INPP5A: variants seen among roughly 807,000 people sequenced by gnomAD.
The protein encoded by INPP5A is 43 kDa inositol polyphosphate 5-phophatase.
A neutral mutation model predicts 65.2 loss-of-function variants in INPP5A; 14 were observed. The observed-to-expected ratio is 0.21, with a 90% CI of 0.14 to 0.34. The LOEUF is 0.34. INPP5A is among the 10% of genes least tolerant of loss of function. The probability of loss-of-function intolerance (pLI) is 1.00; values close to 1 mark genes in which losing one functional copy is unlikely to be tolerated. For synonymous variants in INPP5A, 207 were observed against 208.3 expected (o/e 0.99, Z 0.05); for missense variants, 431 against 545.6 (o/e 0.79, Z 2.09).
intron 5 of INPP5A, among the ~76,000 whole-genome samples, chr10:132,691,830 TGGTCGCGGGAGACGTGC>T (rs1564967258): frequency 4.8e-5 from 7 of 145,148 alleles, no homozygotes; most frequent in African/African-American, 1.5e-4. Flanking sequence ...GGGAGACGTG[TGGTCGCGGGAGACGTGC>T]GGTCGCGGGA....
rs766101587 is a variant in INPP5A at position 132,753,158 on chromosome 10, G to A, written c.903+3313G>A. ...ACGCCCCATGGGTTCCTGCTGACCC[G>A]GGTGCCCTCGCACTTGCCCGAGGTG... On this transcript the variant is annotated intron_variant, in intron 11 of 15. Coordinates refer to ENST00000368594, the MANE Select transcript of INPP5A (RefSeq NM_005539.5). The surrounding 1 kb of genome is among the most constrained non-coding windows in gnomAD (Gnocchi z 5.3). Among the ~76,000 whole-genome samples the A allele has an allele frequency of 4.6e-5, 7 of 152,152 alleles. No homozygotes were observed. The highest frequency in any genetic ancestry group is 5.9e-5 in the Non-Finnish European group (4 of 68,026).
At chr10:132,600,055 C>CTTGGGG (rs2071756421) in intron 1 of INPP5A, among the ~76,000 whole-genome samples, 1 of 152,232 alleles carries the variant, frequency 6.6e-6, no homozygotes, top group South Asian at 2.1e-4. Context: ...GGCCTGGAGA[C>CTTGGGG]ATTTTCCACA....
intron 2 of INPP5A, among the ~76,000 whole-genome samples, chr10:132,622,907 G>A (rs949810422): frequency 1.3e-5 from 2 of 148,444 alleles, no homozygotes; most frequent in African/African-American, 2.6e-5. Context: ...TTCGTGGATT[G>A]GAAGACTCAG....
At chr10:132,654,538 C>T (rs921304543) in intron 4 of INPP5A, among the ~76,000 whole-genome samples, 17 of 152,204 alleles carry the variant, frequency 1.1e-4, no homozygotes, top group African/African-American at 3.6e-4. Context: ...CGGGGCCTGA[C>T]TTCCCCGGGG....
At chr10:132,631,344 G>A (rs576503128) in intron 2 of INPP5A, among the ~76,000 whole-genome samples, 3 of 152,258 alleles carry the variant, frequency 2.0e-5, no homozygotes, top group South Asian at 2.1e-4. Context: ...CCCAGCACCC[G>A]TTGCAGCCCA....
intron 8 of INPP5A, among the ~76,000 whole-genome samples, chr10:132,722,585 G>A (rs976907475): frequency 2.0e-5 from 3 of 152,146 alleles, no homozygotes; most frequent in African/African-American, 4.8e-5. Flanking sequence ...AATTCGGAAC[G>A]TTCAACCCGT....
intron 2 of INPP5A, among the ~76,000 whole-genome samples, chr10:132,610,698 G>A (rs1165956846): frequency 1.3e-5 from 2 of 152,238 alleles, no homozygotes; most frequent in Non-Finnish European, 2.9e-5. Flanking sequence ...TCCCACTGAT[G>A]CTCAGGCACC....
chr10:132,653,514 G>C (rs1297757109), intron 4 of INPP5A, among the ~76,000 whole-genome samples: 1 of 152,114 alleles, frequency 6.6e-6, no homozygotes, highest in Non-Finnish European at 1.5e-5. Flanking sequence ...GTTCCTCCCT[G>C]GCCCTGGGTG....
chr10:132,781,062 T>TG, intron 14 of INPP5A, 145 bp downstream of exon 14: 1 of 662,838 alleles, frequency 1.5e-6, no homozygotes, highest in South Asian at 1.7e-5. Flanking sequence ...CCTGTTCTCC[T>TG]GTCTTCTTAG....
chr10:132,748,258 A>G (rs1278713750), intron 9 of INPP5A, among the ~76,000 whole-genome samples: 1 of 151,928 alleles, frequency 6.6e-6, no homozygotes, highest in Non-Finnish European at 1.5e-5. Context: ...GTGTAAATGG[A>G]ATCTACAGTC....
chr10:132,653,419 G>A (rs944606716), intron 4 of INPP5A, among the ~76,000 whole-genome samples: 2 of 152,132 alleles, frequency 1.3e-5, no homozygotes, highest in African/African-American at 4.8e-5. Context: ...CCTGGCGTGC[G>A]TATCTGGGCA....
intron 4 of INPP5A, among the ~76,000 whole-genome samples, chr10:132,667,188 G>A (rs1464692065): frequency 3.3e-5 from 5 of 152,170 alleles, no homozygotes; most frequent in Admixed American, 6.5e-5. Flanking sequence ...GACAGCAGAC[G>A]TTTCCAGTAT....
chr10:132,721,079 T>TGGTACCTGGGTTCTGC (rs1296306248), intron 8 of INPP5A, among the ~76,000 whole-genome samples: 1 of 151,324 alleles, frequency 6.6e-6, no homozygotes, highest in Non-Finnish European at 1.5e-5. Context: ...CAGGGTTCTG[T>TGGTACCTGGGTTCTGC]GGTACCTGGG....
At chr10:132,767,944 G>A (rs59093919) in intron 12 of INPP5A, among the ~76,000 whole-genome samples, 26 of 130,460 alleles carry the variant, frequency 2.0e-4, no homozygotes, top group African/African-American at 2.4e-4. Flanking sequence ...CACGCGCCCA[G>A]TGGCATTCCA....
At chr10:132,766,842 G>A (rs1846854024) in intron 12 of INPP5A, among the ~76,000 whole-genome samples, 1 of 151,566 alleles carries the variant, frequency 6.6e-6, no homozygotes, top group Non-Finnish European at 1.5e-5. Flanking sequence ...GAGCAAGATT[G>A]GGAGCTGGAG....
rs1407247733 is a variant in INPP5A at position 132,650,481 on chromosome 10, C to T, written c.282C>T (p.Asn94=). Residue 94 remains asparagine, a synonymous_variant, in exon 4 of 16, where the codon AAC becomes AAT. Coordinates refer to ENST00000368594, the MANE Select transcript of INPP5A (RefSeq NM_005539.5). This position sits in a 1 kb window ranked among gnomAD's most constrained non-coding sequence, Gnocchi z 5.5. ...YNRARVYLDE[N]YKSQEHFTAL... ...GGGCTCGAGTCTACCTGGATGAAAA[C>T]TACAAATCCCAGGAGCACTTCACGG... is the stretch of plus-strand genomic sequence containing the variant. 1 of 1,613,482 alleles carries T rather than the reference C, an allele frequency of 6.2e-7. No individual in the cohort carries two copies. The highest frequency in any genetic ancestry group is 1.7e-5 in the Admixed American group (1 of 60,022).
At chr10:132,720,140 C>G (rs564643851) in intron 8 of INPP5A, among the ~76,000 whole-genome samples, 1 of 149,424 alleles carries the variant, frequency 6.7e-6, no homozygotes, top group South Asian at 2.1e-4. Context: ...CCTTAGATGG[C>G]TGTCTTCAGG....
At position 132,707,788 on chromosome 10, in the gene INPP5A, C is replaced by T. The variant is rs879720865; in HGVS notation, c.475-525C>T. 1.3e-4 allele frequency among the ~76,000 whole-genome samples: 20 copies of T among 151,850 alleles called. No individual in the cohort carries two copies. Among genetic ancestry groups the T allele is most frequent in the East Asian group, 7.7e-4 (4 of 5,176 alleles). On this transcript the variant is annotated intron_variant, in intron 6 of 15. Transcript: ENST00000368594. This position sits in a 1 kb window ranked among gnomAD's most constrained non-coding sequence, Gnocchi z 5.5. ...GGTGGTGGGGATCAGTGAGAGGCAT[C>T]GGTGGGTGAGAGGCATCGGTGGGTG...
At chr10:132,562,570 C>G (rs1433685741) in intron 1 of INPP5A, among the ~76,000 whole-genome samples, 1 of 152,256 alleles carries the variant, frequency 6.6e-6, no homozygotes, top group Admixed American at 6.5e-5. Context: ...GTGGCTGCCG[C>G]CTGCGGCTCC....
Sources: gnomAD v4.1 joint callset for allele counts (sites outside exome capture counted in the v4.1 genomes callset) on GRCh38, gnomAD v4.1.1 for gene constraint, Gnocchi (gnomAD v3.1) non-coding constraint, MANE v1.5 for transcripts, NCBI Gene and HGNC (gene_info 2026-07-23, HGNC 2026-07-21) for gene names.